Variants in CHRNA7 observed in about 807,000 individuals in gnomAD.
CHRNA7 encodes the protein neuronal acetylcholine receptor subunit alpha-7.
A neutral mutation model predicts 48.0 loss-of-function variants in CHRNA7; 17 were observed. That is an observed-to-expected ratio of 0.35 (90% CI 0.24 to 0.53). The LOEUF (loss-of-function observed/expected upper bound fraction) is 0.53. Among genes scored for constraint, CHRNA7 ranks in the 20% least tolerant of loss-of-function variants. CHRNA7 has a pLI of 0.92. For missense variants in CHRNA7, 155 were observed against 577.7 expected (o/e 0.27, Z 7.50); for synonymous variants, 75 against 242.3 (o/e 0.31, Z 6.41).
At chr15:32,046,308 C>G (rs954221505) in intron 2 of CHRNA7, among the ~76,000 whole-genome samples, 9 of 146,650 alleles carry the variant, frequency 6.1e-5, no homozygotes, top group African/African-American at 1.6e-4. Flanking sequence ...GTTCCTATTT[C>G]TCCACATGCT....
intron 5 of CHRNA7, among the ~76,000 whole-genome samples, chr15:32,154,864 AC>A: frequency 1.4e-4 from 2 of 14,308 alleles, no homozygotes; most frequent in East Asian, 1.5e-3. Context: ...CCCCTCACAC[AC>A]ACCACTCACA....
chr15:32,111,586 A>G, intron 3 of CHRNA7: 1 of 521,496 alleles, frequency 1.9e-6, no homozygotes, highest in Non-Finnish European at 3.4e-6. Flanking sequence ...GTGACAGCAG[A>G]ACCTTAAATG....
intron 3 of CHRNA7, among the ~76,000 whole-genome samples, chr15:32,109,976 C>T (rs1024368912): frequency 5.3e-5 from 8 of 152,212 alleles, no homozygotes; most frequent in Non-Finnish European, 1.0e-4. Flanking sequence ...CCCTCCCTCT[C>T]TGGCCATCAT....
chr15:32,119,319 T>A (rs1480488505), intron 4 of CHRNA7, among the ~76,000 whole-genome samples: 1 of 152,268 alleles, frequency 6.6e-6, no homozygotes, highest in Non-Finnish European at 1.5e-5. Context: ...CCTTCCTTCA[T>A]TAATGACTTA....
At chr15:32,115,800 G>A (rs912852615) in intron 4 of CHRNA7, among the ~76,000 whole-genome samples, 1 of 152,158 alleles carries the variant, frequency 6.6e-6, no homozygotes, top group African/African-American at 2.4e-5. Context: ...GAGAGGAAGG[G>A]AGGGTGCAGG....
At chr15:32,051,923 C>T (rs537176389) in intron 2 of CHRNA7, among the ~76,000 whole-genome samples, 27 of 152,236 alleles carry the variant, frequency 1.8e-4, no homozygotes, top group Middle Eastern at 3.4e-3. Flanking sequence ...GTGATCTGCC[C>T]GCCTTGGCCT....
Position 32,045,618 on chromosome 15 carries a change from CCT to C in CHRNA7, c.195+14589_195+14590del, listed in dbSNP as rs545392153. Among the ~76,000 whole-genome samples, 274 of 151,426 alleles carry C rather than the reference CCT, an allele frequency of 1.8e-3. 4 individuals carry two copies. Among genetic ancestry groups the C allele is most frequent in the Admixed American group, 0.016 (243 of 15,184 alleles). ...GTGGCACAGTCTCGGCTCACTGCAA[CCT>C]CTCTCTCCCGGGTTCCAGTGATTCT... On this transcript the variant is annotated intron_variant, in intron 2 of 9. Coordinates refer to ENST00000306901, the MANE Select transcript of CHRNA7 (RefSeq NM_000746.6).
At chr15:32,141,710 T>TTGGTTCTC (rs913341401) in intron 4 of CHRNA7, among the ~76,000 whole-genome samples, 1 of 152,208 alleles carries the variant, frequency 6.6e-6, no homozygotes, top group African/African-American at 2.4e-5. Context: ...CATTCATGAT[T>TTGGTTCTC]TGGTTCTCTG....
At chr15:32,076,477 G>C (rs752853423) in intron 2 of CHRNA7, among the ~76,000 whole-genome samples, 20 of 152,090 alleles carry the variant, frequency 1.3e-4, no homozygotes, top group Non-Finnish European at 2.5e-4. Flanking sequence ...GGCCACAACA[G>C]ATTTATTTAG....
At chr15:32,043,673 T>C (rs2049486868) in intron 2 of CHRNA7, among the ~76,000 whole-genome samples, 1 of 152,174 alleles carries the variant, frequency 6.6e-6, no homozygotes, top group African/African-American at 2.4e-5. Context: ...GTTATTGTCA[T>C]ATATTTTATT....
chr15:32,112,878 T>C (rs556782579), intron 4 of CHRNA7, among the ~76,000 whole-genome samples: 1 of 152,318 alleles, frequency 6.6e-6, no homozygotes, highest in East Asian at 1.9e-4. Context: ...CACATTTCAC[T>C]TGAATCATTG....
intron 2 of CHRNA7, among the ~76,000 whole-genome samples, chr15:32,098,255 A>G (rs537327145): frequency 8.5e-5 from 13 of 152,140 alleles, no homozygotes; most frequent in Admixed American, 2.0e-4. Flanking sequence ...TTAGTGCAGC[A>G]GGGTCGGGAC....
At chr15:32,064,846 C>T (rs752975473) in intron 2 of CHRNA7, among the ~76,000 whole-genome samples, 2 of 152,128 alleles carry the variant, frequency 1.3e-5, no homozygotes, top group African/African-American at 4.8e-5. Context: ...ATTTCCTCTT[C>T]TGAGAATAAA....
intron 2 of CHRNA7, among the ~76,000 whole-genome samples, chr15:32,072,592 A>T (rs1008173748): frequency 6.6e-6 from 1 of 152,206 alleles, no homozygotes; most frequent in Non-Finnish European, 1.5e-5. Flanking sequence ...AGAAGTTCCC[A>T]TCACAGGTCC....
rs1458196312 is a variant in CHRNA7 at position 32,170,535 on chromosome 15, C to T, written c.*2077C>T. 3 of 150,352 alleles carry T rather than the reference C, an allele frequency of 2.0e-5. No individual in the cohort carries two copies. The highest frequency in any genetic ancestry group is 6.6e-5 in the Admixed American group (1 of 15,106). 9.3% of individuals were successfully genotyped at this position (150,352 alleles called of 1,614,324 possible). On this transcript the variant is annotated 3_prime_UTR_variant, in exon 10 of 10. Transcript: ENST00000306901. ...ATTATCCCAAAATTGATCCCTCCCA[C>T]ATTTTTGCTTTAAAAAGAAACCTTT... is the stretch of plus-strand genomic sequence containing the variant.
chr15:32,096,897 G>A (rs2050478864), intron 2 of CHRNA7, among the ~76,000 whole-genome samples: 1 of 152,218 alleles, frequency 6.6e-6, no homozygotes, highest in Non-Finnish European at 1.5e-5. Flanking sequence ...GTTGACTCGA[G>A]GGTGCCTTGC....
intron 3 of CHRNA7, among the ~76,000 whole-genome samples, chr15:32,109,145 C>T (rs1355232671): frequency 2.0e-5 from 3 of 152,222 alleles, no homozygotes; most frequent in Non-Finnish European, 4.4e-5. Context: ...CCGAAGGCTG[C>T]TGGTTGCCCA....
intron 2 of CHRNA7, among the ~76,000 whole-genome samples, chr15:32,060,132 G>T (rs998933532): frequency 1.7e-4 from 26 of 152,174 alleles, no homozygotes; most frequent in African/African-American, 5.5e-4. Flanking sequence ...AGAAAATTTG[G>T]CATTAAGCCT....
chr15:32,033,400 A>C (rs962165775), intron 2 of CHRNA7, among the ~76,000 whole-genome samples: 1 of 152,228 alleles, frequency 6.6e-6, no homozygotes, highest in African/African-American at 2.4e-5. Flanking sequence ...GTGTGGTCAC[A>C]TGCCCAAGGT....
Sources: allele counts gnomAD v4.1 joint callset (sites outside exome capture counted in the v4.1 genomes callset), GRCh38; gene constraint gnomAD v4.1.1; transcripts MANE v1.5; gene names NCBI Gene and HGNC (gene_info 2026-07-23, HGNC 2026-07-21).